MOBP: variants seen among roughly 807,000 people sequenced by gnomAD.
MOBP encodes the protein myelin-associated oligodendrocyte basic protein.
In MOBP, 5 loss-of-function variants were observed where a neutral mutation model predicts 15.0. The observed-to-expected ratio is 0.33, with a 90% CI of 0.17 to 0.70. The LOEUF (loss-of-function observed/expected upper bound fraction) is 0.70. Among genes scored for constraint, MOBP ranks in the 30% least tolerant of loss-of-function variants. MOBP has a pLI of 0.67. For synonymous variants in MOBP, 88 were observed against 99.0 expected, an observed-to-expected ratio of 0.89 and a Z score of 0.66; for missense variants, 188 against 257.8, an observed-to-expected ratio of 0.73 and a Z score of 1.85.
At chr3:39,498,397 C>T (rs969774156) in intron 2 of MOBP, among the ~76,000 whole-genome samples, 5 of 152,134 alleles carry the variant, frequency 3.3e-5, no homozygotes, top group African/African-American at 1.2e-4. Context: ...ATCTCTCAGG[C>T]TGGAGTGCAG....
exon 5 of MOBP, chr3:39,513,651 C>G: frequency 1.8e-6 from 1 of 546,388 alleles, no homozygotes. Context: ...TCAGGGGGTT[C>G]CAGCAGCACC....
At position 39,502,876 on chromosome 3, in the gene MOBP, G is replaced by A; in HGVS notation, c.548G>A (p.Trp183Ter). The stretch of plus-strand genomic sequence containing the variant: ...TCCCCCGTCAAAGCTTCTAGGTTCT[G>A]GTAACACCATCTCTTCCCTTTTGTT... ...GGSPVKASRF[W>*] Residue 183 changes from tryptophan (W) to a stop codon, truncating the protein, a stop_gained, in exon 4 of 4, where the codon TGG becomes TAG. Coordinates refer to ENST00000684792, the MANE Select transcript of MOBP (RefSeq NM_001393704.1). LOFTEE classifies it high-confidence loss of function. This position sits in a 1 kb window ranked among gnomAD's most constrained non-coding sequence, Gnocchi z 6.3. 1 of 1,249,338 alleles carries A rather than the reference G, an allele frequency of 8.0e-7. No individual in the cohort carries two copies. Among genetic ancestry groups the A allele is most frequent in the Non-Finnish European group, 1.1e-6 (1 of 910,784 alleles). 77.4% of individuals were successfully genotyped at this position (1,249,338 alleles called of 1,614,324 possible).
downstream of MOBP, among the ~76,000 whole-genome samples, chr3:39,507,159 A>G (rs1414197832): frequency 1.3e-5 from 2 of 152,216 alleles, no homozygotes; most frequent in Non-Finnish European, 2.9e-5. Context: ...CATCATTGAC[A>G]TTAATATGTG....
At chr3:39,488,979 T>G (rs553875436) in intron 2 of MOBP, among the ~76,000 whole-genome samples, 2 of 152,254 alleles carry the variant, frequency 1.3e-5, no homozygotes, top group Admixed American at 6.5e-5. Flanking sequence ...CACCTTCCTA[T>G]CCTTCCCATT....
At chr3:39,518,698 A>T (rs2043230428), downstream of MOBP, among the ~76,000 whole-genome samples, 1 of 152,216 alleles carries the variant, frequency 6.6e-6, no homozygotes, top group South Asian at 2.1e-4. Context: ...TATTGCATCC[A>T]CCATCAAGGA....
chr3:39,496,958 C>T (rs1026109181), intron 2 of MOBP, among the ~76,000 whole-genome samples: 5 of 152,216 alleles, frequency 3.3e-5, no homozygotes, highest in South Asian at 2.1e-4. Context: ...CCACCTCGCC[C>T]GGCCTGGCTA....
intron 2 of MOBP, among the ~76,000 whole-genome samples, chr3:39,485,740 G>T (rs1363871060): frequency 6.6e-6 from 1 of 152,060 alleles, no homozygotes; most frequent in Non-Finnish European, 1.5e-5. Flanking sequence ...CACCTCCCTC[G>T]CCAGTGCCTC....
chr3:39,491,596 C>T (rs1326441967), intron 2 of MOBP, among the ~76,000 whole-genome samples: 1 of 152,136 alleles, frequency 6.6e-6, no homozygotes, highest in African/African-American at 2.4e-5. Flanking sequence ...AAGAATCATA[C>T]CAGACAACTC....
chr3:39,517,911 T>C (rs1283140962), downstream of MOBP: 2 of 152,210 alleles, frequency 1.3e-5, no homozygotes, highest in Admixed American at 6.5e-5. Context: ...TTGCATAAGG[T>C]ACATTGACAT....
Position 39,487,585 on chromosome 3 carries a change from G to A in MOBP, c.-5+7462G>A, listed in dbSNP as rs574363392. Among the ~76,000 whole-genome samples the A allele has an allele frequency of 1.7e-4, 24 of 138,112 alleles. No homozygotes were observed. In the South Asian group the frequency reaches 4.3e-3, roughly 25 times the overall value. The allele number at this position is 138,112 out of a possible 152,430, so 90.6% of individuals were successfully genotyped here. A position where few individuals can be genotyped will look rare whatever the true frequency, so the allele number is the denominator to read the frequency against. ...GTCGCCCAGGCTGGAGTGCAGTGGT[G>A]TGATCTCTGCTCACTGCAAGCCCCA... On this transcript the variant is annotated intron_variant, in intron 2 of 3. Coordinates refer to ENST00000684792, the MANE Select transcript of MOBP (RefSeq NM_001393704.1).
intron 2 of MOBP, among the ~76,000 whole-genome samples, chr3:39,487,751 T>G (rs1316653586): frequency 2.6e-5 from 4 of 152,012 alleles, no homozygotes; most frequent in African/African-American, 9.7e-5. Flanking sequence ...CTTGATCTCC[T>G]GACCTCGTGA....
intron 3 of MOBP, among the ~76,000 whole-genome samples, chr3:39,521,218 T>C (rs2043262062): frequency 6.6e-6 from 1 of 152,232 alleles, no homozygotes; most frequent in African/African-American, 2.4e-5. Context: ...CCCAAAGTGC[T>C]GGGATTATAG....
rs1575289146 is a variant in MOBP at position 39,480,636 on chromosome 3, TA to T, written c.-5+516del. On this transcript the variant is annotated intron_variant, in intron 2 of 3. Coordinates refer to ENST00000684792, the MANE Select transcript of MOBP (RefSeq NM_001393704.1). Reference sequence around the variant, plus strand: ...GGCCACTGTGCCTTCACCCTCTAGTTAAACCTCTGCAATTTGAAGCTTGTGC... The same window carrying T: ...GGCCACTGTGCCTTCACCCTCTAGTTAACCTCTGCAATTTGAAGCTTGTGC... Among the ~76,000 whole-genome samples, 3 of 152,336 alleles carry T rather than the reference TA, an allele frequency of 2.0e-5. No homozygotes were observed. In the East Asian group the frequency reaches 5.8e-4, roughly 29 times the overall value.
At chr3:39,479,685 C>T (rs1163959171) in intron 1 of MOBP, among the ~76,000 whole-genome samples, 1 of 151,820 alleles carries the variant, frequency 6.6e-6, no homozygotes, top group South Asian at 2.1e-4. Context: ...GAGCCAGACT[C>T]TGGAATTTCA....
At chr3:39,475,169 A>G (rs2042528031) in intron 1 of MOBP, among the ~76,000 whole-genome samples, 1 of 152,060 alleles carries the variant, frequency 6.6e-6, no homozygotes, top group African/African-American at 2.4e-5. Context: ...GTGTCCTTCA[A>G]TTTGAATTTT....
At chr3:39,510,991 T>A (rs1045996048) in intron 4 of MOBP, among the ~76,000 whole-genome samples, 1 of 152,254 alleles carries the variant, frequency 6.6e-6, no homozygotes, top group Non-Finnish European at 1.5e-5. Context: ...TTTCAAGATA[T>A]GGCTCAACTT....
downstream of MOBP, among the ~76,000 whole-genome samples, chr3:39,505,790 T>C (rs1265184618): frequency 6.6e-6 from 1 of 152,322 alleles, no homozygotes; most frequent in Admixed American, 6.5e-5. Flanking sequence ...TATAAATCCC[T>C]GATTCTAGAT....
chr3:39,481,630 A>C (rs2042629557), intron 2 of MOBP, among the ~76,000 whole-genome samples: 1 of 152,144 alleles, frequency 6.6e-6, no homozygotes, highest in Non-Finnish European at 1.5e-5. Flanking sequence ...TTCTCTAGCT[A>C]CTTCTCTCCC....
chr3:39,502,463 C>A lies in MOBP; in HGVS notation c.207-72C>A, dbSNP rs1435367021. 6.5e-7 allele frequency: 1 copy of A among 1,534,520 alleles called. No individual in the cohort carries two copies. The highest frequency in any genetic ancestry group is 1.2e-5 in the South Asian group (1 of 83,540). On this transcript the variant is annotated intron_variant, in intron 3 of 3. Coordinates refer to ENST00000684792, the MANE Select transcript of MOBP (RefSeq NM_001393704.1). The surrounding 1 kb of genome is among the most constrained non-coding windows in gnomAD (Gnocchi z 6.3). ...GCAGGGCCTTCCTACCTGTTTCCAG[C>A]TCCTGCCAGCGTCGCTTAAGCAGCA... is the stretch of plus-strand genomic sequence containing the variant.
Sources: gnomAD v4.1 joint callset for allele counts (sites outside exome capture counted in the v4.1 genomes callset) on GRCh38, gnomAD v4.1.1 for gene constraint, Gnocchi (gnomAD v3.1) non-coding constraint, MANE v1.5 for transcripts, NCBI Gene and HGNC (gene_info 2026-07-23, HGNC 2026-07-21) for gene names.